Variants in UBTD2 observed in about 807,000 individuals in gnomAD.
UBTD2 encodes the protein ubiquitin domain containing 2.
UBTD2 carries 9 observed loss-of-function variants against 19.8 expected under a neutral mutation model. The observed-to-expected ratio is 0.46, with a 90% CI of 0.27 to 0.79. The LOEUF (loss-of-function observed/expected upper bound fraction) is 0.79, where lower values mean the gene tolerates loss of function less well. Among genes scored for constraint, UBTD2 ranks in the 30% least tolerant of loss-of-function variants. UBTD2 has a pLI of 0.14. For missense variants in UBTD2, 250 were observed against 300.4 expected (o/e 0.83, Z 1.24); for synonymous variants, 98 against 103.9 (o/e 0.94, Z 0.35).
intron 1 of UBTD2, among the ~76,000 whole-genome samples, chr5:172,277,497 G>C (rs547020722): frequency 6.6e-6 from 1 of 151,986 alleles, no homozygotes; most frequent in East Asian, 1.9e-4. Flanking sequence ...ACTTAAGCCC[G>C]GGAGTTTGAG....
At chr5:172,264,298 G>C (rs1314901545) in intron 1 of UBTD2, among the ~76,000 whole-genome samples, 1 of 152,006 alleles carries the variant, frequency 6.6e-6, no homozygotes, top group East Asian at 1.9e-4. Context: ...TGTAATCCCA[G>C]CACTTTGGGA....
intron 2 of UBTD2, among the ~76,000 whole-genome samples, chr5:172,223,912 T>G (rs191306867): frequency 9.5e-4 from 145 of 152,010 alleles, no homozygotes; most frequent in African/African-American, 3.2e-3. Flanking sequence ...AGTTGAGAAA[T>G]GAATCACAAG....
intron 1 of UBTD2, among the ~76,000 whole-genome samples, chr5:172,253,703 T>G (rs529946917): frequency 4.6e-5 from 7 of 152,138 alleles, no homozygotes; most frequent in Non-Finnish European, 8.8e-5. Context: ...CCTCCTGCCC[T>G]GGCCTCCCAA....
chr5:172,269,827 C>T (rs1279215877), intron 1 of UBTD2, among the ~76,000 whole-genome samples: 1 of 150,180 alleles, frequency 6.7e-6, no homozygotes. Flanking sequence ...CCTGTAATCC[C>T]AGCACTTTGG....
chr5:172,213,868 C>A (rs1182520405), intron 2 of UBTD2, among the ~76,000 whole-genome samples: 1 of 152,180 alleles, frequency 6.6e-6, no homozygotes, highest in African/African-American at 2.4e-5. Flanking sequence ...CTCACCACAA[C>A]CTCCGCCTCC....
intron 1 of UBTD2, among the ~76,000 whole-genome samples, chr5:172,264,060 A>G (rs562344936): frequency 6.6e-6 from 1 of 152,252 alleles, no homozygotes; most frequent in African/African-American, 2.4e-5. Context: ...CCCTGAAATA[A>G]AATTAGTCTT....
At chr5:172,233,993 T>C (rs1771958300) in intron 2 of UBTD2, 129 bp downstream of exon 2, 2 of 906,186 alleles carry the variant, frequency 2.2e-6, no homozygotes, top group East Asian at 2.4e-5. Flanking sequence ...AGGAATGCTA[T>C]TCCTTGCTAC....
At chr5:172,273,204 C>A (rs999316614) in intron 1 of UBTD2, among the ~76,000 whole-genome samples, 1 of 152,108 alleles carries the variant, frequency 6.6e-6, no homozygotes. Context: ...AAGCTTCTGT[C>A]CATAAAATGC....
At chr5:172,218,798 TAAAA>T (rs58608463) in intron 2 of UBTD2, among the ~76,000 whole-genome samples, 43,533 of 121,438 alleles carry the variant, frequency 0.36, 6,760 homozygotes, top group South Asian at 0.47. Flanking sequence ...AATAAAAAAA[TAAAA>T]AAAAAAATAA....
At chr5:172,242,359 G>C in intron 1 of UBTD2, 1 of 984,130 alleles carries the variant, frequency 1.0e-6, no homozygotes, top group Non-Finnish European at 1.2e-6. Context: ...TTATTTATTA[G>C]ATTTATCCAA....
chr5:172,229,231 T>A (rs1395817838), intron 2 of UBTD2, among the ~76,000 whole-genome samples: 2 of 151,936 alleles, frequency 1.3e-5, no homozygotes, highest in Non-Finnish European at 2.9e-5. Context: ...CCGGGCGCGG[T>A]GGCTCACGCC....
chr5:172,255,391 T>A (rs13177563), intron 1 of UBTD2: 15 of 484,672 alleles, frequency 3.1e-5, no homozygotes, highest in East Asian at 3.1e-4. Flanking sequence ...CGAGACAGGG[T>A]CCACGGGCCT....
chr5:172,243,104 A>G (rs1172196801), intron 1 of UBTD2, among the ~76,000 whole-genome samples: 2 of 148,412 alleles, frequency 1.3e-5, no homozygotes, highest in Non-Finnish European at 3.0e-5. Context: ...CTGGGATTAC[A>G]GGTGTCAGCC....
At chr5:172,229,500 CAAAAAAAAAAAAA>C (rs5873303) in intron 2 of UBTD2, among the ~76,000 whole-genome samples, 12 of 57,216 alleles carry the variant, frequency 2.1e-4, no homozygotes, top group Admixed American at 5.2e-4. Context: ...GACTCCGTCT[CAAAAAAAAAAAAA>C]AAAAAAAAAA....
At chr5:172,226,602 T>C (rs556726050) in intron 2 of UBTD2, among the ~76,000 whole-genome samples, 3 of 152,298 alleles carry the variant, frequency 2.0e-5, no homozygotes, top group South Asian at 2.1e-4. Flanking sequence ...TTCATAAAAT[T>C]TGAGTCCATG....
At chr5:172,278,377 G>C (rs1755648114) in intron 1 of UBTD2, among the ~76,000 whole-genome samples, 2 of 152,184 alleles carry the variant, frequency 1.3e-5, no homozygotes, top group Middle Eastern at 6.8e-3. Flanking sequence ...AAATTAGCCA[G>C]GCGTGGTGGT....
At chr5:172,216,591 C>CAAAAAAAAA (rs57657254) in intron 2 of UBTD2, among the ~76,000 whole-genome samples, 1 of 36,928 alleles carries the variant, frequency 2.7e-5, no homozygotes. Flanking sequence ...CATCTCTACC[C>CAAAAAAAAA]AAAAAAAAAA....
In UBTD2 at chr5:172,212,109, A is replaced by G. The variant is rs770080490; in HGVS notation, c.426T>C (p.Pro142=). 6.2e-7 allele frequency: 1 copy of G among 1,614,240 alleles called. No homozygotes were observed. The highest frequency in any genetic ancestry group is 8.5e-7 in the Non-Finnish European group (1 of 1,180,036). ...CATATCCAGAATTGGGTGGTGGCTCAGGAATATCCAGAGTCTCTATGTCGC... is the reference window on the plus strand; with the variant it reads ...CATATCCAGAATTGGGTGGTGGCTCGGGAATATCCAGAGTCTCTATGTCGC... The part of the protein sequence containing the change: ...EKSDIETLDI[P]EPPPNSGYEC... Residue 142 remains proline (P), a synonymous_variant, in exon 3 of 3, where the codon CCT becomes CCC. Transcript: ENST00000393792.
chr5:172,257,608 C>T (rs941461751), intron 1 of UBTD2, among the ~76,000 whole-genome samples: 4 of 152,184 alleles, frequency 2.6e-5, no homozygotes, highest in African/African-American at 9.7e-5. Flanking sequence ...CATCAGCATT[C>T]CCTTTTCTCC....
Sources: allele counts gnomAD v4.1 joint callset (sites outside exome capture counted in the v4.1 genomes callset), GRCh38; gene constraint gnomAD v4.1.1; transcripts MANE v1.5; gene names NCBI Gene and HGNC (gene_info 2026-07-23, HGNC 2026-07-21).